The following ATF7IP variants were observed in gnomAD, a reference collection of about 807,000 sequenced individuals.
ATF7IP encodes activating transcription factor 7-interacting protein 1.
Under a neutral mutation model 106.4 loss-of-function variants are expected in ATF7IP, and 23 were observed. The ratio of observed to expected loss-of-function variants is 0.22; its 90% CI spans 0.16 to 0.31. The LOEUF is 0.31. ATF7IP is among the 10% of genes least tolerant of loss of function. ATF7IP has a pLI of 1.00. For missense variants in ATF7IP, 1,334 were observed against 1,524.3 expected, an observed-to-expected ratio of 0.88 and a Z score of 2.08; for synonymous variants, 542 against 539.0, an observed-to-expected ratio of 1.01 and a Z score of -0.08.
At chr12:14,412,208 A>C (rs533306381) in intron 1 of ATF7IP, among the ~76,000 whole-genome samples, 1 of 152,206 alleles carries the variant, frequency 6.6e-6, no homozygotes, top group South Asian at 2.1e-4. Flanking sequence ...TTAAAAATGC[A>C]AAGTATGAGT....
At chr12:14,375,526 G>A (rs73304240) in intron 1 of ATF7IP, among the ~76,000 whole-genome samples, 307 of 151,318 alleles carry the variant, frequency 2.0e-3, no homozygotes, top group African/African-American at 6.7e-3. Flanking sequence ...TTTAAACATT[G>A]AAAGATAAAA....
chr12:14,466,353 A>G (rs1385317528), intron 9 of ATF7IP, 173 bp from the exon 10 acceptor site: 4 of 617,256 alleles, frequency 6.5e-6, no homozygotes, highest in East Asian at 2.9e-5. Flanking sequence ...AGTAATCTGT[A>G]TGGTATCTGA....
chr12:14,497,159 G>A (rs1196780947), intron 14 of ATF7IP, among the ~76,000 whole-genome samples: 4 of 151,940 alleles, frequency 2.6e-5, no homozygotes, highest in Non-Finnish European at 4.4e-5. Flanking sequence ...TTGTAAATTG[G>A]CCAAGAATAT....
intron 5 of ATF7IP, among the ~76,000 whole-genome samples, chr12:14,438,993 C>T (rs1013490629): frequency 3.4e-4 from 52 of 152,096 alleles, no homozygotes; most frequent in Admixed American, 1.1e-3. Flanking sequence ...TACCTCCTTT[C>T]GTGGACCTTA....
intron 1 of ATF7IP, among the ~76,000 whole-genome samples, chr12:14,422,924 T>A (rs1941611564): frequency 6.6e-6 from 1 of 152,216 alleles, no homozygotes; most frequent in Non-Finnish European, 1.5e-5. Context: ...TGGAATGGAA[T>A]CACTGGGTCA....
chr12:14,422,495 T>C (rs755881425), intron 1 of ATF7IP, among the ~76,000 whole-genome samples: 1 of 152,214 alleles, frequency 6.6e-6, no homozygotes, highest in Non-Finnish European at 1.5e-5. Flanking sequence ...CCATAATCAA[T>C]GTTAGAACAT....
chr12:14,413,774 T>G (rs1444667382), intron 1 of ATF7IP, among the ~76,000 whole-genome samples: 2 of 151,824 alleles, frequency 1.3e-5, no homozygotes, highest in East Asian at 3.9e-4. Context: ...AATAAAAGGG[T>G]TTTTTTTCAA....
intron 9 of ATF7IP, among the ~76,000 whole-genome samples, chr12:14,463,759 G>A (rs1160820129): frequency 6.6e-6 from 1 of 152,176 alleles, no homozygotes; most frequent in Non-Finnish European, 1.5e-5. Flanking sequence ...TACTGTACAA[G>A]ATGAGAGATG....
At chr12:14,489,518 G>T (rs540055902) in intron 13 of ATF7IP, among the ~76,000 whole-genome samples, 2 of 152,110 alleles carry the variant, frequency 1.3e-5, no homozygotes, top group African/African-American at 4.8e-5. Flanking sequence ...AAGGTGAGTG[G>T]TACCACTTCC....
intron 10 of ATF7IP, among the ~76,000 whole-genome samples, chr12:14,472,026 A>C (rs1287346629): frequency 6.6e-6 from 1 of 152,204 alleles, no homozygotes; most frequent in African/African-American, 2.4e-5. Flanking sequence ...TATTGTATTA[A>C]AAGCCTTTAG....
intron 1 of ATF7IP, among the ~76,000 whole-genome samples, chr12:14,408,958 T>G (rs1047692371): frequency 2.6e-5 from 4 of 152,162 alleles, no homozygotes; most frequent in Admixed American, 1.3e-4. Context: ...TCACTAATAT[T>G]ATACTAGAAT....
At chr12:14,473,232 T>A (rs1182410699) in intron 10 of ATF7IP, among the ~76,000 whole-genome samples, 20 of 151,526 alleles carry the variant, frequency 1.3e-4, no homozygotes. Flanking sequence ...ATCAGTTTTT[T>A]TTAAAGCATT....
At chr12:14,497,361 G>T (rs888619613) in intron 14 of ATF7IP, among the ~76,000 whole-genome samples, 2 of 152,016 alleles carry the variant, frequency 1.3e-5, no homozygotes, top group African/African-American at 4.8e-5. Flanking sequence ...CATTACTTCC[G>T]TGTTCCTCAA....
chr12:14,487,777 A>C (rs1944672613), intron 13 of ATF7IP, among the ~76,000 whole-genome samples: 1 of 152,206 alleles, frequency 6.6e-6, no homozygotes, highest in Admixed American at 6.5e-5. Flanking sequence ...TTTGCTTCAG[A>C]AGCCAGGAGA....
At chr12:14,379,099 C>T (rs930847498) in intron 1 of ATF7IP, among the ~76,000 whole-genome samples, 22 of 152,250 alleles carry the variant, frequency 1.4e-4, no homozygotes, top group African/African-American at 5.3e-4. Flanking sequence ...GGAGGTGGGG[C>T]CTCGTGGGAG....
intron 4 of ATF7IP, among the ~76,000 whole-genome samples, chr12:14,437,825 G>C (rs922524865): frequency 6.6e-6 from 1 of 151,994 alleles, no homozygotes; most frequent in Admixed American, 6.5e-5. Flanking sequence ...AGGCCGAGGC[G>C]GGCGGATCAC....
chr12:14,457,317 A>G (rs188384995), intron 8 of ATF7IP, 22 bp downstream of exon 8: 18 of 1,505,406 alleles, frequency 1.2e-5, no homozygotes, highest in Non-Finnish European at 1.6e-5. Context: ...TTTAAATACC[A>G]AAATACATTT....
At chr12:14,453,514 G>A (rs1943286904) in intron 6 of ATF7IP, among the ~76,000 whole-genome samples, 1 of 151,590 alleles carries the variant, frequency 6.6e-6, no homozygotes, top group Non-Finnish European at 1.5e-5. Flanking sequence ...TTTTTAATTT[G>A]TATTATGATA....
chr12:14,379,451 A>G (rs1455200550), intron 1 of ATF7IP, among the ~76,000 whole-genome samples: 1 of 152,122 alleles, frequency 6.6e-6, no homozygotes, highest in Non-Finnish European at 1.5e-5. Context: ...TAATACAACC[A>G]TCAGTGAAGA....
Sources: allele counts gnomAD v4.1 joint callset (sites outside exome capture counted in the v4.1 genomes callset), GRCh38; gene constraint gnomAD v4.1.1; transcripts MANE v1.5; gene names NCBI Gene and HGNC (gene_info 2026-07-23, HGNC 2026-07-21).